CEP112: variants seen among roughly 807,000 people sequenced by gnomAD.
The protein encoded by CEP112 is centrosomal protein of 112 kDa.
Under a neutral mutation model 153.0 loss-of-function variants are expected in CEP112, and 127 were observed. That is an observed-to-expected ratio of 0.83 (90% CI 0.72 to 0.96). The LOEUF is 0.96. CEP112 is among the 40% of genes least tolerant of loss of function. The pLI, the probability that CEP112 is intolerant of heterozygous loss-of-function variation, is 0.00. For missense variants in CEP112, 1,089 were observed against 1,101.2 expected (o/e 0.99, Z 0.16); for synonymous variants, 358 against 374.4 (o/e 0.96, Z 0.51).
intron 21 of CEP112, among the ~76,000 whole-genome samples, chr17:65,825,843 A>T (rs1296575965): frequency 1.3e-5 from 2 of 152,212 alleles, no homozygotes; most frequent in Non-Finnish European, 1.5e-5. Flanking sequence ...CTTTTGAGCA[A>T]GGGAGAAAAT....
At chr17:65,813,555 G>C (rs1372053859) in intron 21 of CEP112, among the ~76,000 whole-genome samples, 3 of 152,196 alleles carry the variant, frequency 2.0e-5, no homozygotes, top group African/African-American at 4.8e-5. Context: ...AGGTGTTGGA[G>C]AAAGACACAC....
intron 24 of CEP112, among the ~76,000 whole-genome samples, chr17:65,652,296 T>C (rs2045823133): frequency 6.6e-6 from 1 of 152,174 alleles, no homozygotes; most frequent in Non-Finnish European, 1.5e-5. Context: ...GTGCCCCTAA[T>C]CTGTGTGCTC....
chr17:66,178,405 C>T (rs962353746), intron 2 of CEP112, among the ~76,000 whole-genome samples: 2 of 152,088 alleles, frequency 1.3e-5, no homozygotes, highest in African/African-American at 2.4e-5. Flanking sequence ...ATTTTTAAAT[C>T]AGATTATTTG....
chr17:65,975,121 T>A (rs2062983930), intron 17 of CEP112, among the ~76,000 whole-genome samples: 1 of 152,202 alleles, frequency 6.6e-6, no homozygotes, highest in Non-Finnish European at 1.5e-5. Context: ...GCTCTTGGGC[T>A]GAAGACGAAA....
At chr17:65,934,591 T>C (rs955949658) in intron 18 of CEP112, among the ~76,000 whole-genome samples, 4 of 152,106 alleles carry the variant, frequency 2.6e-5, no homozygotes, top group African/African-American at 9.7e-5. Context: ...TCAAAAGACA[T>C]AAAGTAACTG....
chr17:65,841,565 GA>G lies in CEP112; in HGVS notation c.2394+10238del, dbSNP rs79672446. Among the ~76,000 whole-genome samples, 39 of 152,074 alleles carry G rather than the reference GA, an allele frequency of 2.6e-4. No homozygotes were observed. In the East Asian group the frequency reaches 7.5e-3, roughly 29 times the overall value. ...CAAAAATACAGTTAAACGTAAGGAA[GA>G]AGTTCTAGTATTTGACAGCACAGTG... On this transcript the variant is annotated intron_variant, in intron 21 of 26. Transcript: ENST00000535342.
chr17:65,867,330 C>G (rs2058520241), intron 20 of CEP112, among the ~76,000 whole-genome samples: 1 of 152,202 alleles, frequency 6.6e-6, no homozygotes, highest in Non-Finnish European at 1.5e-5. Context: ...CTGACACAGC[C>G]TGCCAGGCCA....
At chr17:66,095,175 A>T (rs566067169) in intron 8 of CEP112, among the ~76,000 whole-genome samples, 1 of 152,200 alleles carries the variant, frequency 6.6e-6, no homozygotes, top group Non-Finnish European at 1.5e-5. Flanking sequence ...TGAAATTGCT[A>T]TATTGAAGAG....
rs8068458 is a variant in CEP112, at chr17:65,812,723, T to C, written c.2394+39081A>G. Among the ~76,000 whole-genome samples the C allele has an allele frequency of 1.5e-3, 232 of 152,266 alleles. 2 individuals carry two copies. Among genetic ancestry groups the C allele is most frequent in the African/African-American group, 5.5e-3 (229 of 41,552 alleles). ...CAACCTTCTAAAAAAGCATCCCTAA[T>C]CTCTCAAAGACAATGATAAGGCAAT... On this transcript the variant is annotated intron_variant, in intron 21 of 26. Transcript: ENST00000535342.
At chr17:66,066,390 A>C (rs1457563683) in intron 10 of CEP112, among the ~76,000 whole-genome samples, 1 of 152,194 alleles carries the variant, frequency 6.6e-6, no homozygotes, top group African/African-American at 2.4e-5. Flanking sequence ...AAGAAGAATA[A>C]TTTCCTTTGA....
intron 21 of CEP112, among the ~76,000 whole-genome samples, chr17:65,777,479 C>CA (rs1178939745): frequency 6.6e-6 from 1 of 152,142 alleles, no homozygotes; most frequent in Non-Finnish European, 1.5e-5. Flanking sequence ...GAGAACATAA[C>CA]AATTTCACAT....
intron 17 of CEP112, among the ~76,000 whole-genome samples, chr17:66,002,064 T>C (rs1227240649): frequency 3.3e-5 from 5 of 152,194 alleles, no homozygotes; most frequent in Non-Finnish European, 2.9e-5. Flanking sequence ...TTAGAAACAA[T>C]AGCAACAGGC....
chr17:65,992,204 C>G (rs1191105227), intron 17 of CEP112, among the ~76,000 whole-genome samples: 2 of 152,112 alleles, frequency 1.3e-5, no homozygotes, highest in Non-Finnish European at 2.9e-5. Context: ...GAAGATTAAT[C>G]CCTATTTCCC....
chr17:65,893,764 T>C (rs1449448931), intron 20 of CEP112, among the ~76,000 whole-genome samples: 2 of 152,136 alleles, frequency 1.3e-5, no homozygotes, highest in Admixed American at 1.3e-4. Flanking sequence ...ATTTAAGGTC[T>C]CCCTGACACC....
intron 17 of CEP112, among the ~76,000 whole-genome samples, chr17:65,971,387 G>T (rs929729190): frequency 2.7e-5 from 2 of 73,154 alleles, no homozygotes; most frequent in African/African-American, 8.7e-5. Flanking sequence ...TACATTGCAT[G>T]TATATAGCAT....
intron 20 of CEP112, among the ~76,000 whole-genome samples, chr17:65,871,252 G>T (rs1003850817): frequency 6.6e-6 from 1 of 152,182 alleles, no homozygotes; most frequent in Non-Finnish European, 1.5e-5. Flanking sequence ...TCATCATGGT[G>T]ATGATGACTT....
At chr17:65,967,986 C>T (rs561906692) in intron 17 of CEP112, among the ~76,000 whole-genome samples, 50 of 151,952 alleles carry the variant, frequency 3.3e-4, no homozygotes, top group African/African-American at 1.1e-3. Flanking sequence ...CGTTTATGTC[C>T]CTATATTTAA....
intron 17 of CEP112, among the ~76,000 whole-genome samples, chr17:65,971,123 A>G (rs1006611395): frequency 9.2e-5 from 14 of 152,124 alleles, no homozygotes; most frequent in East Asian, 1.9e-4. Context: ...CCTTGCGTGT[A>G]TGAGATTTAT....
At chr17:65,824,064 C>G (rs538092855) in intron 21 of CEP112, among the ~76,000 whole-genome samples, 2 of 152,288 alleles carry the variant, frequency 1.3e-5, no homozygotes, top group East Asian at 3.9e-4. Context: ...TAAAAATATA[C>G]TTAACATAAA....
Sources: gnomAD v4.1 joint callset for allele counts (sites outside exome capture counted in the v4.1 genomes callset) on GRCh38, gnomAD v4.1.1 for gene constraint, MANE v1.5 for transcripts, NCBI Gene and HGNC (gene_info 2026-07-23, HGNC 2026-07-21) for gene names.